The following ATAT1 variants were observed in gnomAD, a reference collection of about 807,000 sequenced individuals.
ATAT1 encodes alpha-tubulin N-acetyltransferase 1.
In ATAT1, 42 loss-of-function variants were observed where a neutral mutation model predicts 57.2. The ratio of observed to expected loss-of-function variants is 0.73; its 90% CI spans 0.57 to 0.95. The LOEUF is 0.95. Ranked by LOEUF, ATAT1 falls within the 40% of genes least tolerant of loss-of-function variation. ATAT1 has a pLI of 0.00. For synonymous variants in ATAT1, 168 were observed against 187.1 expected, an observed-to-expected ratio of 0.90 and a Z score of 0.83; for missense variants, 454 against 523.7, an observed-to-expected ratio of 0.87 and a Z score of 1.30.
At chr6:30,636,359 C>T (rs778177408) in intron 6 of ATAT1, among the ~76,000 whole-genome samples, 2 of 151,942 alleles carry the variant, frequency 1.3e-5, no homozygotes, top group Admixed American at 6.6e-5. Flanking sequence ...CCAAGGTAGG[C>T]GGATCACAAG....
intron 6 of ATAT1, among the ~76,000 whole-genome samples, chr6:30,628,754 A>G (rs1762202616): frequency 6.6e-6 from 1 of 151,820 alleles, no homozygotes; most frequent in African/African-American, 2.4e-5. Flanking sequence ...ACAGGCACCC[A>G]CCACCACACC....
At chr6:30,642,347 A>G in intron 9 of ATAT1, 100 bp downstream of exon 9, 2 of 1,529,158 alleles carry the variant, frequency 1.3e-6, no homozygotes, top group Non-Finnish European at 1.8e-6. Flanking sequence ...CTCTCTAAAG[A>G]CTCAGATTTC....
At position 30,642,224 on chromosome 6, in the gene ATAT1, C is replaced by T; in HGVS notation, c.665C>T (p.Pro222Leu). Residue 222 changes from proline (P) to leucine (L), a missense_variant, in exon 9 of 13, where the codon CCA (proline) becomes CTA (leucine). Physicochemically the swap from Pro to Leu is moderately conservative, Grantham distance 98 (BLOSUM62 -3). Transcript: ENST00000330083. ...AAGAGAGCAGAGGGAGACATCAAGC[C>T]ATACTCCTCTAGTGACCGAGAATGT... The T allele has an allele frequency of 6.2e-7, 1 of 1,614,120 alleles. No individual in the cohort carries two copies. The highest frequency in any genetic ancestry group is 8.5e-7 in the Non-Finnish European group (1 of 1,180,030).
Sources: allele counts gnomAD v4.1 joint callset (sites outside exome capture counted in the v4.1 genomes callset), GRCh38; gene constraint gnomAD v4.1.1; transcripts MANE v1.5; gene names NCBI Gene and HGNC (gene_info 2026-07-23, HGNC 2026-07-21).